STK39: variants seen among roughly 807,000 people sequenced by gnomAD.
STK39 encodes the protein serine/threonine kinase 39, also known as STE20/SPS1-related proline-alanine-rich protein kinase.
In STK39, 20 loss-of-function variants were observed where a neutral mutation model predicts 77.8. The ratio of observed to expected loss-of-function variants is 0.26; its 90% CI spans 0.18 to 0.37. STK39 has a LOEUF of 0.37. Among genes scored for constraint, STK39 ranks in the 10% least tolerant of loss-of-function variants. The pLI, the probability that STK39 is intolerant of heterozygous loss-of-function variation, is 1.00. For missense variants in STK39, 479 were observed against 656.5 expected, an observed-to-expected ratio of 0.73 and a Z score of 2.95; for synonymous variants, 246 against 234.1, an observed-to-expected ratio of 1.05 and a Z score of -0.47.
chr2:168,238,210 C>T (rs139333560), intron 1 of STK39, among the ~76,000 whole-genome samples: 131 of 152,332 alleles, frequency 8.6e-4, no homozygotes, highest in African/African-American at 2.9e-3. Flanking sequence ...ACAACTGTCA[C>T]AGGTCACTGG....
At chr2:168,014,384 T>C (rs1206427080) in intron 15 of STK39, among the ~76,000 whole-genome samples, 1 of 151,882 alleles carries the variant, frequency 6.6e-6, no homozygotes, top group African/African-American at 2.4e-5. Flanking sequence ...CTTGGGAGGC[T>C]GGGTGGAAGG....
intron 12 of STK39, among the ~76,000 whole-genome samples, chr2:168,072,206 T>A (rs900775132): frequency 1.3e-5 from 2 of 152,234 alleles, no homozygotes; most frequent in African/African-American, 4.8e-5. Context: ...GCTAGATTTT[T>A]TAATGAACAT....
intron 7 of STK39, among the ~76,000 whole-genome samples, chr2:168,138,456 T>C (rs981437596): frequency 4.6e-5 from 7 of 152,344 alleles, no homozygotes; most frequent in East Asian, 3.9e-4. Context: ...ACTTGCTCTA[T>C]GTGTTAAGAA....
intron 5 of STK39, among the ~76,000 whole-genome samples, chr2:168,151,358 T>C (rs754141367): frequency 9.9e-5 from 15 of 152,190 alleles, no homozygotes; most frequent in Non-Finnish European, 1.8e-4. Context: ...ACTCTTGACA[T>C]TGCCATCAAC....
chr2:168,022,432 T>C (rs1684593458), intron 14 of STK39, among the ~76,000 whole-genome samples: 1 of 152,178 alleles, frequency 6.6e-6, no homozygotes. Flanking sequence ...ACCAGGGAGA[T>C]GTGGGGACTG....
intron 16 of STK39, among the ~76,000 whole-genome samples, chr2:167,978,880 T>C (rs1683345957): frequency 1.4e-5 from 2 of 141,756 alleles, no homozygotes; most frequent in African/African-American, 3.1e-5. Context: ...TACATACCCA[T>C]TTTATCTAGT....
chr2:167,991,346 G>C (rs1007945030), intron 16 of STK39, among the ~76,000 whole-genome samples: 3 of 152,134 alleles, frequency 2.0e-5, no homozygotes, highest in African/African-American at 4.8e-5. Context: ...CAGCACCCTG[G>C]TACTTAAAAG....
chr2:168,085,189 A>C (rs139800334), intron 10 of STK39, among the ~76,000 whole-genome samples: 1 of 152,380 alleles, frequency 6.6e-6, no homozygotes, highest in African/African-American at 2.4e-5. Context: ...GCTGGCAGGA[A>C]GCAGTCTGAG....
At chr2:168,168,938 G>C (rs529104459) in intron 2 of STK39, among the ~76,000 whole-genome samples, 1 of 152,120 alleles carries the variant, frequency 6.6e-6, no homozygotes, top group African/African-American at 2.4e-5. Context: ...AGCTGAGATC[G>C]TGCCACTGGA....
intron 12 of STK39, among the ~76,000 whole-genome samples, chr2:168,070,941 G>A (rs1387832501): frequency 6.6e-6 from 1 of 152,116 alleles, no homozygotes; most frequent in African/African-American, 2.4e-5. Flanking sequence ...GGACTTAGGA[G>A]GATCTCCAAA....
At chr2:168,063,368 C>G (rs775090825) in intron 14 of STK39, 132 bp downstream of exon 14, 28 of 758,440 alleles carry the variant, frequency 3.7e-5, no homozygotes, top group Non-Finnish European at 5.9e-5. Context: ...ATACAGCATA[C>G]ACTCATGGTT....
intron 10 of STK39, among the ~76,000 whole-genome samples, chr2:168,085,784 C>T (rs1686350516): frequency 6.6e-6 from 1 of 152,208 alleles, no homozygotes; most frequent in South Asian, 2.1e-4. Context: ...GAGTCCAGTG[C>T]CCTCTCCTTG....
chr2:168,139,018 T>C (rs1199063115), intron 7 of STK39, among the ~76,000 whole-genome samples: 1 of 152,218 alleles, frequency 6.6e-6, no homozygotes, highest in African/African-American at 2.4e-5. Flanking sequence ...ATGCAAATGC[T>C]ATACATGTCA....
At position 168,148,232 on chromosome 2, in the gene STK39, T is replaced by C. The variant is rs147543283; in HGVS notation, c.629-7474A>G. The stretch of plus-strand genomic sequence containing the variant: ...ATTAAATCCAGCCTTTGGATACTAA[T>C]ACTTCTGTTTGTTTTCTTTTTGTTT... On this transcript the variant is annotated intron_variant, in intron 5 of 17. Coordinates refer to ENST00000355999, the MANE Select transcript of STK39 (RefSeq NM_013233.3). Among the ~76,000 whole-genome samples the C allele has an allele frequency of 3.3e-4, 51 of 152,344 alleles. No homozygotes were observed. The East Asian group carries it at 9.1e-3, about 27-fold the overall frequency.
chr2:168,137,843 C>A (rs551206993), intron 8 of STK39, among the ~76,000 whole-genome samples: 2 of 152,356 alleles, frequency 1.3e-5, no homozygotes, highest in East Asian at 3.9e-4. Flanking sequence ...CCACACTTAA[C>A]AAGCACAGTG....
At chr2:168,126,826 G>A (rs536238936) in intron 10 of STK39, among the ~76,000 whole-genome samples, 4 of 152,172 alleles carry the variant, frequency 2.6e-5, no homozygotes, top group African/African-American at 9.6e-5. Flanking sequence ...AATTATGATC[G>A]GAAAACAGCC....
chr2:168,167,500 C>G, intron 2 of STK39, 93 bp from the exon 3 acceptor site: 1 of 1,137,760 alleles, frequency 8.8e-7, no homozygotes, highest in East Asian at 2.5e-5. Flanking sequence ...GGGTAACTTT[C>G]CTACTCGAAA....
At chr2:168,152,184 C>T (rs1051301860) in intron 5 of STK39, among the ~76,000 whole-genome samples, 1 of 152,184 alleles carries the variant, frequency 6.6e-6, no homozygotes, top group Non-Finnish European at 1.5e-5. Flanking sequence ...GATAATTACA[C>T]TGAACAAAGG....
chr2:168,150,369 T>C (rs1574505168), intron 5 of STK39, among the ~76,000 whole-genome samples: 1 of 152,190 alleles, frequency 6.6e-6, no homozygotes, highest in East Asian at 1.9e-4. Context: ...AACCCAGCGA[T>C]TCTCAACTAT....
Sources: gnomAD v4.1 joint callset for allele counts (sites outside exome capture counted in the v4.1 genomes callset) on GRCh38, gnomAD v4.1.1 for gene constraint, MANE v1.5 for transcripts, NCBI Gene and HGNC (gene_info 2026-07-23, HGNC 2026-07-21) for gene names.